The following MRPS28 variants were observed in gnomAD, a reference collection of about 807,000 sequenced individuals.
MRPS28 encodes mitochondrial ribosomal protein S28, also known as small ribosomal subunit protein bS1m.
Under a neutral mutation model 10.8 loss-of-function variants are expected in MRPS28, and 7 were observed. The ratio of observed to expected loss-of-function variants is 0.65; its 90% CI spans 0.37 to 1.22. The LOEUF is 1.22. Among genes scored for constraint, MRPS28 ranks in the 50% most tolerant of loss-of-function variants. The pLI is 0.02. For synonymous variants in MRPS28, 121 were observed against 93.3 expected, an observed-to-expected ratio of 1.30 and a Z score of -1.71; for missense variants, 265 against 232.9, an observed-to-expected ratio of 1.14 and a Z score of -0.90.
intron 1 of MRPS28, among the ~76,000 whole-genome samples, chr8:80,012,487 T>A (rs1809078002): frequency 6.6e-6 from 1 of 152,180 alleles, no homozygotes; most frequent in Non-Finnish European, 1.5e-5. Flanking sequence ...CATTGATAGC[T>A]CCTCTCATGC....
chr8:79,954,747 C>A (rs1302390915), intron 2 of MRPS28, among the ~76,000 whole-genome samples: 1 of 152,212 alleles, frequency 6.6e-6, no homozygotes, highest in Non-Finnish European at 1.5e-5. Context: ...GAGTTCACTT[C>A]ATTAAACCAA....
At chr8:79,928,022 T>C (rs1167201995) in intron 2 of MRPS28, among the ~76,000 whole-genome samples, 2 of 151,994 alleles carry the variant, frequency 1.3e-5, no homozygotes, top group African/African-American at 4.8e-5. Flanking sequence ...TTATGTTAAG[T>C]AGATTTGAAA....
At chr8:79,973,475 A>T (rs947461881) in intron 2 of MRPS28, among the ~76,000 whole-genome samples, 1 of 152,158 alleles carries the variant, frequency 6.6e-6, no homozygotes, top group Admixed American at 6.5e-5. Context: ...CAACATATGA[A>T]GACACACCCC....
chr8:79,947,629 G>GTTTTTTTTTT (rs767221360), intron 2 of MRPS28, among the ~76,000 whole-genome samples: 4 of 109,222 alleles, frequency 3.7e-5, no homozygotes, highest in African/African-American at 1.2e-4. Context: ...AATATATTAA[G>GTTTTTTTTTT]TTTTTTTTTT....
At chr8:79,975,980 C>T (rs2130058426) in intron 2 of MRPS28, among the ~76,000 whole-genome samples, 1 of 152,182 alleles carries the variant, frequency 6.6e-6, no homozygotes, top group East Asian at 1.9e-4. Context: ...TTGTTTATGA[C>T]ATAGTTAGCT....
In MRPS28 at chr8:80,003,127, A is replaced by T; in HGVS notation, c.267T>A (p.Leu89=). 6.2e-7 allele frequency: 1 copy of T among 1,610,594 alleles called. No individual in the cohort carries two copies. Among genetic ancestry groups the T allele is most frequent in the Non-Finnish European group, 8.5e-7 (1 of 1,179,170 alleles). The change falls in exon 2 of 3, where the codon CTT becomes CTA. Residue 89 remains leucine (L), a synonymous_variant. Coordinates refer to ENST00000276585, the MANE Select transcript of MRPS28 (RefSeq NM_014018.3). ...TATCCTTTGCAGGTCCCATCTGTGT[A>T]AGAGGAGAATGTCTCAGCATAGATG... ...SFASMLRHSP[L]TQMGPAKDKL...
intron 2 of MRPS28, among the ~76,000 whole-genome samples, chr8:79,940,840 T>G (rs1373970108): frequency 6.6e-6 from 1 of 152,208 alleles, no homozygotes; most frequent in East Asian, 1.9e-4. Context: ...ACAGTACCCC[T>G]GGGGTAGAAA....
intron 1 of MRPS28, among the ~76,000 whole-genome samples, chr8:80,005,234 G>C (rs189065485): frequency 4.3e-4 from 65 of 152,294 alleles, no homozygotes; most frequent in East Asian, 1.7e-3. Flanking sequence ...GGCAGCCAGA[G>C]AGAAAGGTCA....
At chr8:79,949,711 T>G (rs1453546464) in intron 2 of MRPS28, among the ~76,000 whole-genome samples, 2 of 152,144 alleles carry the variant, frequency 1.3e-5, no homozygotes, top group African/African-American at 4.8e-5. Context: ...AAAAATAACT[T>G]TTTTTAGATG....
intron 2 of MRPS28, among the ~76,000 whole-genome samples, chr8:79,938,971 G>T (rs1435262953): frequency 6.6e-6 from 1 of 152,126 alleles, no homozygotes. Flanking sequence ...GTGCTGAGCT[G>T]GCTATGGAAG....
intron 2 of MRPS28, among the ~76,000 whole-genome samples, chr8:79,980,120 C>A (rs1382032593): frequency 6.6e-6 from 1 of 152,036 alleles, no homozygotes; most frequent in Non-Finnish European, 1.5e-5. Flanking sequence ...AGAAAAGGTT[C>A]AATAATGCCA....
At chr8:79,993,756 A>G (rs1445930334) in intron 2 of MRPS28, among the ~76,000 whole-genome samples, 1 of 152,180 alleles carries the variant, frequency 6.6e-6, no homozygotes, top group Non-Finnish European at 1.5e-5. Flanking sequence ...TGTCCTCTGC[A>G]ATAAAATGAC....
intron 2 of MRPS28, among the ~76,000 whole-genome samples, chr8:79,933,482 G>T (rs1296370994): frequency 1.3e-5 from 2 of 152,170 alleles, no homozygotes; most frequent in African/African-American, 2.4e-5. Context: ...ATTTTGGGGG[G>T]ATAAAACTCT....
intron 2 of MRPS28, among the ~76,000 whole-genome samples, chr8:79,974,923 A>AT (rs1016558147): frequency 1.3e-5 from 2 of 152,202 alleles, no homozygotes; most frequent in African/African-American, 4.8e-5. Flanking sequence ...CAAATATTAC[A>AT]TTTTTTATTA....
chr8:79,933,643 C>A (rs1302905823), intron 2 of MRPS28, among the ~76,000 whole-genome samples: 1 of 152,044 alleles, frequency 6.6e-6, no homozygotes, highest in African/African-American at 2.4e-5. Context: ...TAGAGTCTAG[C>A]AGGAAAGACA....
chr8:79,978,972 T>C (rs1807876123), intron 2 of MRPS28, among the ~76,000 whole-genome samples: 2 of 152,254 alleles, frequency 1.3e-5, no homozygotes. Context: ...TCATTTCTAA[T>C]ATAAAATACA....
intron 2 of MRPS28, among the ~76,000 whole-genome samples, chr8:79,982,785 A>C (rs550845509): frequency 5.1e-4 from 77 of 152,342 alleles, no homozygotes; most frequent in African/African-American, 1.4e-3. Context: ...GTGGAGCCCA[A>C]CACAGCTCAA....
In MRPS28 at chr8:79,937,368, G is replaced by A. The variant is rs528668574; in HGVS notation, c.396-18220C>T. 8.9e-4 allele frequency among the ~76,000 whole-genome samples: 135 copies of A among 152,230 alleles called. 1 individual carries two copies. Among genetic ancestry groups the A allele is most frequent in the Non-Finnish European group, 1.4e-3 (97 of 68,010 alleles). ...TGTAATAAGAAACAAATACGAAGAC[G>A]TGGTCAGTACAATAATTTGAGCGAC... On this transcript the variant is annotated intron_variant, in intron 2 of 2. Coordinates refer to ENST00000276585, the MANE Select transcript of MRPS28 (RefSeq NM_014018.3).
At chr8:79,923,931 C>G (rs1190877040) in intron 2 of MRPS28, among the ~76,000 whole-genome samples, 4 of 152,176 alleles carry the variant, frequency 2.6e-5, no homozygotes, top group Non-Finnish European at 5.9e-5. Context: ...GGAGAGGTTT[C>G]TGACATTCTT....
Sources: allele counts gnomAD v4.1 joint callset (sites outside exome capture counted in the v4.1 genomes callset), GRCh38; gene constraint gnomAD v4.1.1; transcripts MANE v1.5; gene names NCBI Gene and HGNC (gene_info 2026-07-23, HGNC 2026-07-21).